Variants in PDE4D observed in about 807,000 individuals in gnomAD.
PDE4D encodes the protein phosphodiesterase 4D.
In PDE4D, 24 loss-of-function variants were observed where a neutral mutation model predicts 87.4. That is an observed-to-expected ratio of 0.27 (90% CI 0.20 to 0.39). The LOEUF is 0.39. PDE4D is among the 10% of genes least tolerant of loss of function. The pLI, the probability that PDE4D is intolerant of heterozygous loss-of-function variation, is 1.00. For missense variants in PDE4D, 714 were observed against 1,041.0 expected (o/e 0.69, Z 4.32); for synonymous variants, 384 against 383.2 (o/e 1.00, Z -0.02).
rs992601462 is a variant in PDE4D at position 59,676,031 on chromosome 5, C to A, written c.455+217137G>T. Among the ~76,000 whole-genome samples, 3 of 151,904 alleles carry A rather than the reference C, an allele frequency of 2.0e-5. No individual in the cohort carries two copies. The East Asian group carries it at 5.8e-4, about 29-fold the overall frequency. ...TAAGAGATCACACTGTGACCTATAA[C>A]ATTTATATATTTAGAACACCTTTGG... On this transcript the variant is annotated intron_variant, in intron 1 of 14. Transcript: ENST00000340635.
chr5:59,237,994 T>A (rs772631119), intron 1 of PDE4D, among the ~76,000 whole-genome samples: 6 of 152,274 alleles, frequency 3.9e-5, no homozygotes, highest in East Asian at 1.9e-4. Context: ...GAGATTTTAA[T>A]CCTCTCTCAT....
intron 1 of PDE4D, among the ~76,000 whole-genome samples, chr5:59,267,769 C>T (rs889254168): frequency 6.6e-6 from 1 of 152,098 alleles, no homozygotes; most frequent in Non-Finnish European, 1.5e-5. Flanking sequence ...GGACTGCTTC[C>T]TATAAGGGTA....
intron 2 of PDE4D, among the ~76,000 whole-genome samples, chr5:59,991,382 C>A (rs986121045): frequency 1.3e-5 from 2 of 152,068 alleles, no homozygotes; most frequent in Non-Finnish European, 2.9e-5. Context: ...GTATGCACCA[C>A]CTCTGATCCC....
chr5:59,229,492 C>CAT (rs1424284912), intron 1 of PDE4D, among the ~76,000 whole-genome samples: 1 of 152,126 alleles, frequency 6.6e-6, no homozygotes, highest in Non-Finnish European at 1.5e-5. Flanking sequence ...AGCAGTCAGC[C>CAT]ATGCAATCAG....
At chr5:59,765,482 C>T (rs567689090) in intron 1 of PDE4D, among the ~76,000 whole-genome samples, 2 of 152,334 alleles carry the variant, frequency 1.3e-5, no homozygotes, top group East Asian at 1.9e-4. Flanking sequence ...TTACCTTATG[C>T]CTTGGAACAG....
chr5:60,157,399 T>C (rs1782068776), intron 2 of PDE4D, among the ~76,000 whole-genome samples: 2 of 152,144 alleles, frequency 1.3e-5, no homozygotes, highest in African/African-American at 4.8e-5. Flanking sequence ...CCTGTACCTA[T>C]GAAGCTAGAG....
intron 5 of PDE4D, among the ~76,000 whole-genome samples, chr5:59,165,744 T>C (rs542449878): frequency 1.3e-5 from 2 of 152,178 alleles, no homozygotes; most frequent in Non-Finnish European, 2.9e-5. Context: ...CAAAATCTGG[T>C]CCCATCATTC....
At chr5:60,008,110 G>T (rs1764660781) in intron 2 of PDE4D, among the ~76,000 whole-genome samples, 1 of 151,906 alleles carries the variant, frequency 6.6e-6, no homozygotes, top group African/African-American at 2.4e-5. Context: ...TAATACCAGT[G>T]TTTAACATTT....
chr5:59,387,596 A>C (rs969901159), intron 1 of PDE4D, among the ~76,000 whole-genome samples: 1 of 151,978 alleles, frequency 6.6e-6, no homozygotes, highest in Non-Finnish European at 1.5e-5. Flanking sequence ...AGTTTTATAA[A>C]CCTCGTACTG....
Position 60,071,291 on chromosome 5 carries a change from GA to G in PDE4D, c.43-82575del, listed in dbSNP as rs1472484866. Among the ~76,000 whole-genome samples, 4 of 151,860 alleles carry G rather than the reference GA, an allele frequency of 2.6e-5. No homozygotes were observed. In the South Asian group the frequency reaches 6.2e-4, roughly 24 times the overall value. Reference sequence around the variant, plus strand: ...TGAGATGTAGTATTAAATTGTTTAAGATTTTTTTCTTTTAAATTTTAATTTC... The same window carrying G: ...TGAGATGTAGTATTAAATTGTTTAAGTTTTTTTCTTTTAAATTTTAATTTC... On this transcript the variant is annotated intron_variant, in intron 2 of 16. Coordinates refer to the PDE4D transcript ENST00000502484.
At chr5:59,587,574 C>T (rs1406207201) in intron 1 of PDE4D, 2 of 985,300 alleles carry the variant, frequency 2.0e-6, no homozygotes, top group Non-Finnish European at 2.4e-6. Context: ...GCCGCCCCAG[C>T]TCTGATCAGC....
chr5:59,842,246 A>C (rs1000066058), intron 1 of PDE4D, among the ~76,000 whole-genome samples: 2 of 152,006 alleles, frequency 1.3e-5, no homozygotes, highest in Non-Finnish European at 2.9e-5. Context: ...GCAGAAGTGA[A>C]ATGACTTGGG....
At position 60,000,088 on chromosome 5, in the gene PDE4D, T is replaced by C. The variant is rs57049534; in HGVS notation, c.43-11371A>G. On this transcript the variant is annotated intron_variant, in intron 2 of 16. Coordinates refer to the PDE4D transcript ENST00000502484. ...AAGTGAAGAAAGACTAAGAAACATA[T>C]GGGACACCATCAAGTGTTCCAACAT... Among the ~76,000 whole-genome samples the C allele has an allele frequency of 2.4e-3, 370 of 151,784 alleles. 1 individual carries two copies. Among genetic ancestry groups the C allele is most frequent in the African/African-American group, 8.6e-3 (354 of 41,360 alleles).
At chr5:60,306,907 T>A (rs945992713) in intron 1 of PDE4D, among the ~76,000 whole-genome samples, 37 of 152,064 alleles carry the variant, frequency 2.4e-4, no homozygotes, top group Admixed American at 2.4e-3. Context: ...AGTAAGTTAT[T>A]TCAGAATTAC....
chr5:59,083,971 C>A (rs1010706455), intron 5 of PDE4D, among the ~76,000 whole-genome samples: 1 of 152,006 alleles, frequency 6.6e-6, no homozygotes, highest in Non-Finnish European at 1.5e-5. Context: ...CAATTTCAAT[C>A]AAAATCTTAA....
In PDE4D at chr5:59,893,357, C is replaced by G; in HGVS notation, c.266G>C (p.Gly89Ala). 7.9e-7 allele frequency: 1 copy of G among 1,273,862 alleles called. No homozygotes were observed. Among genetic ancestry groups the G allele is most frequent in the African/African-American group, 1.6e-5 (1 of 63,426 alleles). 78.9% of individuals were successfully genotyped at this position (1,273,862 alleles called of 1,614,324 possible). A position where few individuals can be genotyped will look rare whatever the true frequency, so the allele number is the denominator to read the frequency against. ...CGAGGCGTAGCGGCCGCGGGCAGCCCCGGGCGGCGGCGGGGGCGGCGGCAG... is the reference window on the plus strand; with the variant it reads ...CGAGGCGTAGCGGCCGCGGGCAGCCGCGGGCGGCGGCGGGGGCGGCGGCAG... Reference protein sequence around the residue: ...PPLPPPPPPPGAARGRYASSG... With the variant: ...PPLPPPPPPPAAARGRYASSG... The change falls in exon 1 of 15, where the codon GGG becomes GCG. Residue 89 changes from glycine (G) to alanine (A), a missense_variant. Gly to Ala is a moderately conservative substitution (Grantham distance 60, BLOSUM62 0). Transcript: ENST00000340635.
chr5:58,993,159 A>C (rs1331621265), intron 7 of PDE4D, among the ~76,000 whole-genome samples: 2 of 152,162 alleles, frequency 1.3e-5, no homozygotes, highest in African/African-American at 2.4e-5. Context: ...GAATTCCTAA[A>C]GTCCTAAATA....
At chr5:59,364,742 C>A (rs954488148) in intron 1 of PDE4D, among the ~76,000 whole-genome samples, 1 of 152,134 alleles carries the variant, frequency 6.6e-6, no homozygotes, top group Non-Finnish European at 1.5e-5. Context: ...AAGATATAGA[C>A]TAGTAAGCTA....
rs1159283554 is a variant in PDE4D at position 58,990,966 on chromosome 5, A to T, written c.1189-64T>A. ...AAGTGGAGTAAAATATGACTCAATGAACACAATCATTTAAAAATTACAGAC... is the reference window on the plus strand; with the variant it reads ...AAGTGGAGTAAAATATGACTCAATGTACACAATCATTTAAAAATTACAGAC... On this transcript the variant is annotated intron_variant, in intron 8 of 14. Transcript: ENST00000340635. 5 of 909,906 alleles carry T rather than the reference A, an allele frequency of 5.5e-6. No individual in the cohort carries two copies. In the Admixed American group the frequency reaches 9.2e-5, roughly 17 times the overall value. 56.4% of individuals were successfully genotyped at this position (909,906 alleles called of 1,614,324 possible).
Sources: gnomAD v4.1 joint callset for allele counts (sites outside exome capture counted in the v4.1 genomes callset) on GRCh38, gnomAD v4.1.1 for gene constraint, MANE v1.5 for transcripts, NCBI Gene and HGNC (gene_info 2026-07-23, HGNC 2026-07-21) for gene names.